Variants in SPHKAP observed in about 807,000 individuals in gnomAD.
SPHKAP encodes A-kinase anchor protein SPHKAP.
A neutral mutation model predicts 137.5 loss-of-function variants in SPHKAP; 67 were observed. That is an observed-to-expected ratio of 0.49 (90% CI 0.40 to 0.60). The LOEUF (loss-of-function observed/expected upper bound fraction) is 0.60, where lower values mean the gene tolerates loss of function less well. Ranked by LOEUF, SPHKAP falls within the 20% of genes least tolerant of loss-of-function variation. The pLI is 0.00. For synonymous variants in SPHKAP, 813 were observed against 785.3 expected, an observed-to-expected ratio of 1.04 and a Z score of -0.59; for missense variants, 2,097 against 2,069.3, an observed-to-expected ratio of 1.01 and a Z score of -0.26.
chr2:228,152,831 A>G (rs944651803), intron 1 of SPHKAP, among the ~76,000 whole-genome samples: 2 of 152,068 alleles, frequency 1.3e-5, no homozygotes, highest in Admixed American at 1.3e-4. Flanking sequence ...GGATCTTAGA[A>G]CATTTTAACT....
At chr2:228,097,147 A>C (rs939927164) in intron 3 of SPHKAP, among the ~76,000 whole-genome samples, 7 of 152,172 alleles carry the variant, frequency 4.6e-5, no homozygotes, top group Admixed American at 4.6e-4. Flanking sequence ...AACATTGTTT[A>C]TTATTGTTTT....
chr2:228,048,511 C>T (rs1047456545), intron 3 of SPHKAP, among the ~76,000 whole-genome samples: 14 of 152,304 alleles, frequency 9.2e-5, no homozygotes, highest in South Asian at 2.1e-4. Flanking sequence ...TACAGTCATA[C>T]ACCTCATAAT....
intron 1 of SPHKAP, among the ~76,000 whole-genome samples, chr2:228,147,870 G>A (rs936401692): frequency 9.9e-5 from 15 of 152,114 alleles, no homozygotes; most frequent in Admixed American, 1.3e-4. Flanking sequence ...TGAGACTCAG[G>A]CTTAGCATTT....
intron 7 of SPHKAP, among the ~76,000 whole-genome samples, chr2:228,014,780 C>T (rs1694503011): frequency 6.6e-6 from 1 of 152,256 alleles, no homozygotes; most frequent in African/African-American, 2.4e-5. Flanking sequence ...TTGATGAAGG[C>T]TGTGTTCAAC....
chr2:228,047,478 A>C (rs4294998), intron 3 of SPHKAP, among the ~76,000 whole-genome samples: 62,233 of 150,948 alleles, frequency 0.41, 13,681 homozygotes, highest in Non-Finnish European at 0.51. Flanking sequence ...AAAAAAAAAA[A>C]AAAACAAAAA....
At chr2:228,135,804 T>C (rs989880127) in intron 1 of SPHKAP, among the ~76,000 whole-genome samples, 1 of 152,170 alleles carries the variant, frequency 6.6e-6, no homozygotes, top group African/African-American at 2.4e-5. Flanking sequence ...AATTAATGCA[T>C]TACTAGATGA....
At chr2:228,180,407 G>A (rs1053897768) in intron 1 of SPHKAP, among the ~76,000 whole-genome samples, 12 of 149,746 alleles carry the variant, frequency 8.0e-5, no homozygotes, top group African/African-American at 2.9e-4. Context: ...ACCGCATCTC[G>A]GCTCCTTGGC....
At chr2:228,104,100 G>T (rs1698259151) in intron 3 of SPHKAP, among the ~76,000 whole-genome samples, 1 of 150,918 alleles carries the variant, frequency 6.6e-6, no homozygotes, top group African/African-American at 2.4e-5. Flanking sequence ...TTTGAAACTT[G>T]ATTTTTAAAG....
intron 2 of SPHKAP, 81 bp downstream of exon 2, chr2:228,131,899 T>C: frequency 2.0e-6 from 3 of 1,525,700 alleles, no homozygotes; most frequent in Non-Finnish European, 2.7e-6. Context: ...GTTTCTACTT[T>C]AGGAAGAGTG....
At chr2:227,998,953 TAAAGTA>T (rs1693740652) in intron 7 of SPHKAP, among the ~76,000 whole-genome samples, 1 of 152,204 alleles carries the variant, frequency 6.6e-6, no homozygotes, top group Non-Finnish European at 1.5e-5. Flanking sequence ...CTCTTTCATT[TAAAGTA>T]AAATATTGGC....
At chr2:228,168,207 C>A (rs1157985852) in intron 1 of SPHKAP, among the ~76,000 whole-genome samples, 1 of 152,092 alleles carries the variant, frequency 6.6e-6, no homozygotes, top group East Asian at 1.9e-4. Flanking sequence ...TGAGCTCCAA[C>A]TTGCCACAAG....
chr2:228,165,824 C>T (rs1700406948), intron 1 of SPHKAP, among the ~76,000 whole-genome samples: 1 of 152,200 alleles, frequency 6.6e-6, no homozygotes, highest in African/African-American at 2.4e-5. Context: ...AGTTCTCACC[C>T]CACCTACCTT....
chr2:228,174,575 C>T (rs1317134853), intron 1 of SPHKAP, among the ~76,000 whole-genome samples: 1 of 152,174 alleles, frequency 6.6e-6, no homozygotes, highest in African/African-American at 2.4e-5. Context: ...TCGTCTTTAA[C>T]ATGGGAATAT....
intron 3 of SPHKAP, among the ~76,000 whole-genome samples, chr2:228,087,101 G>A (rs1255972611): frequency 6.6e-6 from 1 of 152,154 alleles, no homozygotes; most frequent in Non-Finnish European, 1.5e-5. Flanking sequence ...AGCCAAAAAA[G>A]AAAGATGGAG....
intron 3 of SPHKAP, among the ~76,000 whole-genome samples, chr2:228,060,684 A>T (rs4315516): frequency 0.29 from 43,954 of 152,056 alleles, 6,652 homozygotes; most frequent in East Asian, 0.42. Context: ...ATGATGTTTG[A>T]TGAGGAATGT....
At chr2:228,111,217 G>T (rs187084703) in intron 2 of SPHKAP, among the ~76,000 whole-genome samples, 15 of 152,218 alleles carry the variant, frequency 9.9e-5, no homozygotes, top group Admixed American at 2.0e-4. Context: ...AACATTACTG[G>T]TCTAACTGAG....
At chr2:228,104,307 ATAT>A (rs1464868550) in intron 3 of SPHKAP, among the ~76,000 whole-genome samples, 3 of 144,232 alleles carry the variant, frequency 2.1e-5, no homozygotes, top group African/African-American at 2.6e-5. Context: ...TTATATAATA[ATAT>A]TAATAATATA....
chr2:228,026,664 T>A (rs773369002), intron 4 of SPHKAP, among the ~76,000 whole-genome samples: 2 of 152,168 alleles, frequency 1.3e-5, no homozygotes, highest in Non-Finnish European at 2.9e-5. Context: ...TCAAATACAA[T>A]TGTATGTGTA....
chr2:228,112,689 A>G (rs1022593981), intron 2 of SPHKAP, among the ~76,000 whole-genome samples: 4 of 152,146 alleles, frequency 2.6e-5, no homozygotes, highest in Admixed American at 6.6e-5. Flanking sequence ...TTGGGAGAAG[A>G]GCTGGCTACC....
Sources: allele counts gnomAD v4.1 joint callset (sites outside exome capture counted in the v4.1 genomes callset), GRCh38; gene constraint gnomAD v4.1.1; transcripts MANE v1.5; gene names NCBI Gene and HGNC (gene_info 2026-07-23, HGNC 2026-07-21).